CADPS2: variants seen among roughly 807,000 people sequenced by gnomAD.
CADPS2 encodes calcium dependent secretion activator 2, also known as calcium-dependent secretion activator 2.
Under a neutral mutation model 172.5 loss-of-function variants are expected in CADPS2, and 93 were observed. That is an observed-to-expected ratio of 0.54 (90% CI 0.46 to 0.64). The LOEUF (loss-of-function observed/expected upper bound fraction) is 0.64. CADPS2 is among the 30% of genes least tolerant of loss of function. The pLI is 0.00. For synonymous variants in CADPS2, 546 were observed against 555.2 expected (o/e 0.98, Z 0.23); for missense variants, 1,420 against 1,565.9 (o/e 0.91, Z 1.57).
chr7:122,707,079 G>T (rs2087690196), intron 2 of CADPS2, among the ~76,000 whole-genome samples: 1 of 151,744 alleles, frequency 6.6e-6, no homozygotes, highest in Admixed American at 6.6e-5. Context: ...GAACCAGAAG[G>T]TAAGCAGGCA....
chr7:122,649,898 ATTTTTTTTT>A (rs71531909), intron 3 of CADPS2, among the ~76,000 whole-genome samples: 3 of 52,020 alleles, frequency 5.8e-5, no homozygotes, highest in East Asian at 7.9e-4. Flanking sequence ...GTATTCAATG[ATTTTTTTTT>A]TTTTTTTTTT....
intron 9 of CADPS2, among the ~76,000 whole-genome samples, chr7:122,498,185 T>C (rs1355932916): frequency 1.3e-5 from 2 of 152,142 alleles, no homozygotes; most frequent in East Asian, 3.9e-4. Flanking sequence ...TGACCTCAAG[T>C]GATCTGCCCA....
chr7:122,525,872 G>C (rs977593133), intron 8 of CADPS2, among the ~76,000 whole-genome samples: 2 of 152,112 alleles, frequency 1.3e-5, no homozygotes, highest in Non-Finnish European at 2.9e-5. Context: ...TGTAGGAATT[G>C]TAACACAATG....
chr7:122,651,684 A>T (rs1262550612), intron 3 of CADPS2, among the ~76,000 whole-genome samples: 3 of 152,034 alleles, frequency 2.0e-5, no homozygotes, highest in Non-Finnish European at 4.4e-5. Context: ...TTGCTTTGAC[A>T]CTCGGGTAAA....
At chr7:122,382,941 C>T (rs1194911488) in intron 24 of CADPS2, among the ~76,000 whole-genome samples, 1 of 152,092 alleles carries the variant, frequency 6.6e-6, no homozygotes, top group Admixed American at 6.6e-5. Flanking sequence ...TTTGAATCAG[C>T]AATCCCATTA....
intron 2 of CADPS2, among the ~76,000 whole-genome samples, chr7:122,686,537 T>C (rs1453669694): frequency 1.3e-5 from 2 of 152,240 alleles, no homozygotes; most frequent in Admixed American, 1.3e-4. Flanking sequence ...CTCAAGTTTC[T>C]GTAAACTCTG....
At chr7:122,578,747 G>A (rs10246699) in intron 7 of CADPS2, among the ~76,000 whole-genome samples, 1,763 of 152,278 alleles carry the variant, frequency 0.012, 32 homozygotes, top group African/African-American at 0.04. Flanking sequence ...CATAGTGACT[G>A]AGGTATGAAG....
chr7:122,542,945 T>C (rs1486104389), intron 8 of CADPS2, among the ~76,000 whole-genome samples: 1 of 152,106 alleles, frequency 6.6e-6, no homozygotes, highest in East Asian at 1.9e-4. Context: ...CAAATAATCA[T>C]TTTATATTTG....
At chr7:122,756,396 T>C (rs1297093171) in intron 1 of CADPS2, among the ~76,000 whole-genome samples, 1 of 152,212 alleles carries the variant, frequency 6.6e-6, no homozygotes, top group East Asian at 1.9e-4. Context: ...CAATTTGAAA[T>C]TCATTTACAT....
Position 122,541,831 on chromosome 7 carries a change from TCA to T in CADPS2, c.1475+12717_1475+12718del, listed in dbSNP as rs2063086896. On this transcript the variant is annotated intron_variant, in intron 8 of 29. Transcript: ENST00000449022. ...TTTATATATTCATATGTTTATATAT[TCA>T]TATGTTTATATATTCATATATATTT... 3.7e-5 allele frequency among the ~76,000 whole-genome samples: 4 copies of T among 108,212 alleles called. No individual in the cohort carries two copies. In the South Asian group the frequency reaches 7.3e-4, roughly 20 times the overall value. The allele number at this position is 108,212 out of a possible 152,430, so 71.0% of individuals were successfully genotyped here.
chr7:122,397,623 G>A (rs1414345342), intron 20 of CADPS2, among the ~76,000 whole-genome samples: 1 of 152,156 alleles, frequency 6.6e-6, no homozygotes, highest in Non-Finnish European at 1.5e-5. Flanking sequence ...CCATATGGCA[G>A]CTTGCATTCC....
At chr7:122,329,186 C>A (rs770982613) in intron 28 of CADPS2, among the ~76,000 whole-genome samples, 4 of 152,162 alleles carry the variant, frequency 2.6e-5, no homozygotes, top group Non-Finnish European at 5.9e-5. Context: ...TTCTTAAACA[C>A]CCTGAACCCC....
intron 8 of CADPS2, 94 bp from the exon 9 acceptor site, chr7:122,513,409 AC>A: frequency 9.8e-7 from 1 of 1,024,314 alleles, no homozygotes; most frequent in Non-Finnish European, 1.4e-6. Context: ...TATTTTTGAG[AC>A]CAGCCTGCTA....
chr7:122,663,564 A>G lies in CADPS2; in HGVS notation c.459T>C (p.Phe153=). ...CNAVRSYYEV[F]LKSDRVARMV... is the part of the protein sequence containing the mutation. ...TTCTGGCCACTCGGTCACTCTTTAGAAAAACCTGAAAACAAAACAAAACAA... is the reference window on the plus strand; with the variant it reads ...TTCTGGCCACTCGGTCACTCTTTAGGAAAACCTGAAAACAAAACAAAACAA... Residue 153 remains phenylalanine, a synonymous_variant, in exon 3 of 30, where the codon TTT becomes TTC. Transcript: ENST00000449022. 1 of 1,562,878 alleles carries G rather than the reference A, an allele frequency of 6.4e-7. No individual in the cohort carries two copies. The highest frequency in any genetic ancestry group is 1.4e-5 in the African/African-American group (1 of 73,640).
chr7:122,589,703 G>T (rs887435526), intron 6 of CADPS2, among the ~76,000 whole-genome samples: 1 of 151,816 alleles, frequency 6.6e-6, no homozygotes. Context: ...ATTCCAATAG[G>T]CTGTTGCAAA....
In CADPS2 at chr7:122,669,966, C is replaced by T. The variant is rs947881660; in HGVS notation, c.454-6397G>A. On this transcript the variant is annotated intron_variant, in intron 2 of 29. Transcript: ENST00000449022. The stretch of plus-strand genomic sequence containing the variant: ...CATTCCTGACTCCTCACATCCTCCA[C>T]GTTATATTCCCCAACATACAACTTG... Among the ~76,000 whole-genome samples, 6 of 151,748 alleles carry T rather than the reference C, an allele frequency of 4.0e-5. No homozygotes were observed. In the East Asian group the frequency reaches 5.9e-4, roughly 15 times the overall value.
At chr7:122,440,300 G>A (rs2051183023) in intron 16 of CADPS2, 1 of 152,088 alleles carries the variant, frequency 6.6e-6, no homozygotes, top group African/African-American at 2.4e-5. Flanking sequence ...ATGGAAACCA[G>A]GACATGGAGA....
intron 3 of CADPS2, among the ~76,000 whole-genome samples, chr7:122,655,468 C>T (rs1588161238): frequency 6.6e-6 from 1 of 152,150 alleles, no homozygotes; most frequent in African/African-American, 2.4e-5. Context: ...GCTGAAGGCT[C>T]AAATGCTTGG....
chr7:122,541,822 T>C (rs1307476955), intron 8 of CADPS2, among the ~76,000 whole-genome samples: 6 of 41,442 alleles, frequency 1.4e-4, no homozygotes, highest in African/African-American at 6.0e-4. Flanking sequence ...TATTCATATG[T>C]TTATATATTC....
Sources: allele counts gnomAD v4.1 joint callset (sites outside exome capture counted in the v4.1 genomes callset), GRCh38; gene constraint gnomAD v4.1.1; transcripts MANE v1.5; gene names NCBI Gene and HGNC (gene_info 2026-07-23, HGNC 2026-07-21).